The following PTK2 variants were observed in gnomAD, a reference collection of about 807,000 sequenced individuals.
PTK2 encodes protein tyrosine kinase 2, also known as focal adhesion kinase 1.
In PTK2, 45 loss-of-function variants were observed where a neutral mutation model predicts 150.1. The observed-to-expected ratio is 0.30, with a 90% CI of 0.24 to 0.38. PTK2 has a LOEUF of 0.38. Among genes scored for constraint, PTK2 ranks in the 10% least tolerant of loss-of-function variants. The pLI, the probability that PTK2 is intolerant of heterozygous loss-of-function variation, is 1.00. For synonymous variants in PTK2, 432 were observed against 449.2 expected, an observed-to-expected ratio of 0.96 and a Z score of 0.48; for missense variants, 919 against 1,307.3, an observed-to-expected ratio of 0.70 and a Z score of 4.58.
exon 30 of PTK2, chr8:140,668,291 T>C: frequency 6.2e-7 from 1 of 1,614,096 alleles, no homozygotes; most frequent in Non-Finnish European, 8.5e-7. Flanking sequence ...GACATACTCC[T>C]CTGGTGGGGC....
chr8:140,707,507 G>A (rs1242475587), intron 23 of PTK2, among the ~76,000 whole-genome samples: 1 of 152,138 alleles, frequency 6.6e-6, no homozygotes, highest in Admixed American at 6.5e-5. Flanking sequence ...CCGGGTTTGA[G>A]TGATTCTCGT....
chr8:140,673,070 C>T (rs992355583), intron 29 of PTK2, among the ~76,000 whole-genome samples: 5 of 150,874 alleles, frequency 3.3e-5, no homozygotes, highest in South Asian at 2.1e-4. Flanking sequence ...TGACATTTTT[C>T]GGATTTTAAG....
chr8:140,686,929 C>T, intron 26 of PTK2: 2 of 510,390 alleles, frequency 3.9e-6, no homozygotes, highest in Non-Finnish European at 7.0e-6. Flanking sequence ...CACTGGCCCA[C>T]CCAGTGCTGG....
In PTK2 at chr8:140,702,737, T is replaced by C. The variant is rs369588706; in HGVS notation, c.2230-30A>G. On this transcript the variant is annotated intron_variant, in intron 24 of 31. Coordinates refer to ENST00000522684, the Ensembl canonical transcript of PTK2. ...GAATGAGTAAGGAGGCAAGGTAATG[T>C]TCAACTATAACATCTGCACAGTTCT... 4 of 1,608,326 alleles carry C rather than the reference T, an allele frequency of 2.5e-6. No individual in the cohort carries two copies. The African/African-American group carries it at 4.0e-5, about 16-fold the overall frequency.
intron 11 of PTK2, among the ~76,000 whole-genome samples, chr8:140,801,478 T>C (rs2100094980): frequency 6.6e-6 from 1 of 152,240 alleles, no homozygotes; most frequent in Admixed American, 6.5e-5. Flanking sequence ...CCAGACTGTT[T>C]GGGTATGAAC....
At chr8:140,990,073 G>A (rs2154610220) in intron 1 of PTK2, among the ~76,000 whole-genome samples, 1 of 152,244 alleles carries the variant, frequency 6.6e-6, no homozygotes, top group South Asian at 2.1e-4. Context: ...AATGGTCAAT[G>A]ATTGGAGCCT....
intron 22 of PTK2, among the ~76,000 whole-genome samples, chr8:140,726,442 A>C (rs2100045853): frequency 1.3e-5 from 2 of 152,212 alleles, no homozygotes; most frequent in African/African-American, 4.8e-5. Flanking sequence ...GACATTAAGA[A>C]AACCACACCC....
At position 140,659,517 on chromosome 8, in the gene PTK2, A is replaced by G. The variant is rs1421372687; in HGVS notation, c.3108T>C (p.Asp1036=). The change falls in exon 32 of 32, where the codon GAT becomes GAC. Residue 1036 remains aspartate, a synonymous_variant. Coordinates refer to ENST00000522684, the Ensembl canonical transcript of PTK2. ...TTTTCAGTCTTGCTTGGTCAATGAC[A>G]TCGAGTAAGTTTTTGGCATCCACAG... 5 of 1,613,518 alleles carry G rather than the reference A, an allele frequency of 3.1e-6. No homozygotes were observed. The African/African-American group carries it at 5.3e-5, about 17-fold the overall frequency.
At chr8:140,714,965 C>T (rs80134469) in intron 23 of PTK2, among the ~76,000 whole-genome samples, 2,561 of 151,686 alleles carry the variant, frequency 0.017, 75 homozygotes, top group African/African-American at 0.057. Flanking sequence ...TCATTTTAGA[C>T]GTGCTAAATA....
chr8:140,663,840 AG>A (rs1432692590), intron 31 of PTK2, among the ~76,000 whole-genome samples: 2 of 152,068 alleles, frequency 1.3e-5, no homozygotes, highest in African/African-American at 2.4e-5. Flanking sequence ...AATTTTTTGT[AG>A]AGACAGAGTC....
intron 14 of PTK2, among the ~76,000 whole-genome samples, chr8:140,781,017 T>C (rs866447333): frequency 2.6e-5 from 4 of 152,350 alleles, no homozygotes; most frequent in Middle Eastern, 3.4e-3. Context: ...TTAATATTTA[T>C]TCATTTCCAT....
intron 7 of PTK2, among the ~76,000 whole-genome samples, chr8:140,832,083 C>A (rs1335204492): frequency 6.6e-6 from 1 of 152,156 alleles, no homozygotes; most frequent in East Asian, 1.9e-4. Flanking sequence ...GAGACTGAGT[C>A]TCGCTTTGTC....
intron 16 of PTK2, among the ~76,000 whole-genome samples, chr8:140,756,461 G>A (rs570160982): frequency 2.3e-4 from 35 of 152,226 alleles, no homozygotes; most frequent in African/African-American, 7.7e-4. Flanking sequence ...ACTTCAGGAG[G>A]CCGAGATGGG....
At chr8:140,867,262 G>C (rs527372389) in intron 4 of PTK2, among the ~76,000 whole-genome samples, 18 of 152,232 alleles carry the variant, frequency 1.2e-4, no homozygotes, top group Admixed American at 4.6e-4. Context: ...GGAAGAAGGA[G>C]GGAGACTAGG....
At chr8:140,846,678 C>T in exon 6 of PTK2, 3 of 1,604,348 alleles carry the variant, frequency 1.9e-6, no homozygotes, top group Non-Finnish European at 8.5e-7. Context: ...TCGCTCTTCA[C>T]CTACAACAAA....
intron 31 of PTK2, among the ~76,000 whole-genome samples, 187 bp from the exon 36 acceptor site, chr8:140,659,865 T>C (rs531679841): frequency 6.6e-6 from 1 of 152,300 alleles, no homozygotes; most frequent in Admixed American, 6.5e-5. Context: ...CCAATGAACT[T>C]TTCAGGGAAT....
chr8:140,929,471 T>A (rs11786423), intron 1 of PTK2, among the ~76,000 whole-genome samples: 1 of 151,950 alleles, frequency 6.6e-6, no homozygotes, highest in East Asian at 1.9e-4. Context: ...GTTCCAGCCC[T>A]GTACAAGGTG....
intron 29 of PTK2, among the ~76,000 whole-genome samples, chr8:140,670,739 G>A (rs1320398539): frequency 1.3e-5 from 2 of 152,044 alleles, no homozygotes; most frequent in African/African-American, 2.4e-5. Context: ...TTTCTGCACT[G>A]AGAGTCACAG....
chr8:140,844,611 T>C (rs555788838), intron 7 of PTK2, among the ~76,000 whole-genome samples: 89 of 152,288 alleles, frequency 5.8e-4, no homozygotes, highest in African/African-American at 2.1e-3. Flanking sequence ...TTTTGCTTTT[T>C]GAGCACTTCC....
Sources: allele counts gnomAD v4.1 joint callset (sites outside exome capture counted in the v4.1 genomes callset), GRCh38; gene constraint gnomAD v4.1.1; transcripts MANE v1.5; gene names NCBI Gene and HGNC (gene_info 2026-07-23, HGNC 2026-07-21).